Variants in DLG2 observed in about 807,000 individuals in gnomAD.
DLG2 encodes discs large MAGUK scaffold protein 2.
In DLG2, 45 loss-of-function variants were observed where a neutral mutation model predicts 132.5. The observed-to-expected ratio is 0.34, with a 90% confidence interval of 0.27 to 0.44. DLG2 has a LOEUF of 0.44. Among genes scored for constraint, DLG2 ranks in the 20% least tolerant of loss-of-function variants. DLG2 has a pLI of 1.00. For missense variants in DLG2, 1,045 were observed against 1,196.9 expected (o/e 0.87, Z 1.87); for synonymous variants, 424 against 419.6 (o/e 1.01, Z -0.13).
intron 18 of DLG2, among the ~76,000 whole-genome samples, chr11:83,774,274 T>C (rs1470721810): frequency 1.3e-5 from 2 of 152,170 alleles, no homozygotes; most frequent in African/African-American, 4.8e-5. Flanking sequence ...TCTAATTATC[T>C]CTCTCTCCAC....
chr11:84,975,180 G>C (rs1396103322), intron 6 of DLG2, among the ~76,000 whole-genome samples: 1 of 152,128 alleles, frequency 6.6e-6, no homozygotes, highest in Non-Finnish European at 1.5e-5. Context: ...TTAAGTGGCA[G>C]ACTACTATTT....
At chr11:83,853,989 A>G (rs2060147798) in intron 16 of DLG2, among the ~76,000 whole-genome samples, 1 of 152,192 alleles carries the variant, frequency 6.6e-6, no homozygotes, top group South Asian at 2.1e-4. Flanking sequence ...ATCCAAGATA[A>G]CTGCCAAAAT....
intron 6 of DLG2, among the ~76,000 whole-genome samples, chr11:84,682,008 C>G (rs1340680203): frequency 6.6e-6 from 1 of 151,964 alleles, no homozygotes; most frequent in Non-Finnish European, 1.5e-5. Flanking sequence ...ATAGAGGAAG[C>G]AAGATAGAAG....
intron 18 of DLG2, among the ~76,000 whole-genome samples, chr11:83,660,661 G>A (rs551243571): frequency 6.6e-6 from 1 of 152,208 alleles, no homozygotes; most frequent in South Asian, 2.1e-4. Flanking sequence ...TGTGACTATA[G>A]ATAAAGTCAC....
At chr11:85,547,557 T>C (rs1292980186) in intron 3 of DLG2, among the ~76,000 whole-genome samples, 1 of 152,224 alleles carries the variant, frequency 6.6e-6, no homozygotes. Flanking sequence ...GAAATTCTCC[T>C]GGATAATATC....
intron 15 of DLG2, among the ~76,000 whole-genome samples, chr11:83,911,196 C>T (rs1435237663): frequency 6.6e-6 from 1 of 151,984 alleles, no homozygotes; most frequent in Non-Finnish European, 1.5e-5. Flanking sequence ...AGAGGAATAG[C>T]AAGGGCAGAG....
chr11:85,239,326 T>C lies in DLG2; in HGVS notation c.186+45894A>G, dbSNP rs1057452290. 2.0e-5 allele frequency among the ~76,000 whole-genome samples: 3 copies of C among 152,114 alleles called. No homozygotes were observed. The South Asian group carries it at 6.2e-4, about 31-fold the overall frequency. On this transcript the variant is annotated intron_variant, in intron 4 of 27. Transcript: ENST00000376104. ...TTTCTCTCAACTGCAAATGGCACCATGTATGGTCTATAAATGTTTGTGTGG... is the reference window on the plus strand; with the variant it reads ...TTTCTCTCAACTGCAAATGGCACCACGTATGGTCTATAAATGTTTGTGTGG...
chr11:84,839,294 A>G (rs2080260806), intron 6 of DLG2, among the ~76,000 whole-genome samples: 1 of 152,166 alleles, frequency 6.6e-6, no homozygotes, highest in Non-Finnish European at 1.5e-5. Flanking sequence ...AAAAGATGCG[A>G]AGGACCTCTT....
intron 6 of DLG2, among the ~76,000 whole-genome samples, chr11:84,868,034 A>G (rs2154036549): frequency 6.6e-6 from 1 of 151,518 alleles, no homozygotes; most frequent in Non-Finnish European, 1.5e-5. Flanking sequence ...AGATCGCGCC[A>G]CTGCACTCCA....
At chr11:84,649,173 T>C (rs1038726314) in intron 6 of DLG2, among the ~76,000 whole-genome samples, 5 of 152,170 alleles carry the variant, frequency 3.3e-5, no homozygotes, top group African/African-American at 1.2e-4. Context: ...TCTTGAGTAC[T>C]GCCATGCACT....
At position 84,460,410 on chromosome 11, in the gene DLG2, A is replaced by G. The variant is rs114828691; in HGVS notation, c.519+74160T>C. Among the ~76,000 whole-genome samples, 1,066 of 150,742 alleles carry G rather than the reference A, an allele frequency of 7.1e-3. 14 individuals carry two copies. The highest frequency in any genetic ancestry group is 0.023 in the African/African-American group (959 of 41,390). On this transcript the variant is annotated intron_variant, in intron 7 of 27. Transcript: ENST00000376104. ...AACAAATGAACAAAGAACCAATCAT[A>G]TTTGAAGGATGTTCTAGATACAGCA...
At chr11:84,887,584 T>C (rs2088550466) in intron 6 of DLG2, among the ~76,000 whole-genome samples, 1 of 152,118 alleles carries the variant, frequency 6.6e-6, no homozygotes, top group Non-Finnish European at 1.5e-5. Flanking sequence ...TGATGACACA[T>C]AAACGTCCAG....
At chr11:84,550,115 T>TACACACACACAC (rs60598747) in intron 6 of DLG2, among the ~76,000 whole-genome samples, 2 of 145,840 alleles carry the variant, frequency 1.4e-5, no homozygotes, top group African/African-American at 2.5e-5. Flanking sequence ...AACGAGCCTA[T>TACACACACACAC]ACACACACAC....
At chr11:84,811,034 T>C (rs1037957481) in intron 6 of DLG2, among the ~76,000 whole-genome samples, 4 of 152,134 alleles carry the variant, frequency 2.6e-5, no homozygotes, top group African/African-American at 9.7e-5. Context: ...GATTGTAATA[T>C]TGTGCTGTAG....
At chr11:85,436,626 A>G (rs1597338523) in intron 3 of DLG2, among the ~76,000 whole-genome samples, 1 of 152,350 alleles carries the variant, frequency 6.6e-6, no homozygotes, top group East Asian at 1.9e-4. Context: ...CATCCCAGTC[A>G]GAATGGCAAT....
intron 6 of DLG2, among the ~76,000 whole-genome samples, chr11:85,066,743 CTATCA>C (rs2154164101): frequency 6.6e-6 from 1 of 151,560 alleles, no homozygotes; most frequent in African/African-American, 2.4e-5. Context: ...ATTCAATATC[CTATCA>C]TAATAAAAAT....
At chr11:84,993,519 G>C (rs1357717928) in intron 6 of DLG2, among the ~76,000 whole-genome samples, 1 of 152,158 alleles carries the variant, frequency 6.6e-6, no homozygotes, top group Non-Finnish European at 1.5e-5. Context: ...AGGAATGTGG[G>C]AAGTTTATCT....
chr11:84,194,541 T>C (rs992811712), intron 8 of DLG2, among the ~76,000 whole-genome samples: 4 of 152,210 alleles, frequency 2.6e-5, no homozygotes, highest in African/African-American at 9.6e-5. Flanking sequence ...TATTCCCTTA[T>C]CTGGCCCACC....
chr11:83,879,916 T>C (rs2065738916), intron 15 of DLG2, among the ~76,000 whole-genome samples: 1 of 152,186 alleles, frequency 6.6e-6, no homozygotes, highest in South Asian at 2.1e-4. Flanking sequence ...GCATATTTAA[T>C]TGGCAAACTA....
Sources: gnomAD v4.1 joint callset for allele counts (sites outside exome capture counted in the v4.1 genomes callset) on GRCh38, gnomAD v4.1.1 for gene constraint, MANE v1.5 for transcripts, NCBI Gene and HGNC (gene_info 2026-07-23, HGNC 2026-07-21) for gene names.